FERMT3: variants seen among roughly 807,000 people sequenced by gnomAD.
FERMT3 encodes FERM domain containing kindlin 3, also known as fermitin family homolog 3.
A neutral mutation model predicts 80.8 loss-of-function variants in FERMT3; 33 were observed. The observed-to-expected ratio is 0.41, with a 90% CI of 0.31 to 0.55. The LOEUF (loss-of-function observed/expected upper bound fraction) is 0.55, where lower values mean the gene tolerates loss of function less well. Among genes scored for constraint, FERMT3 ranks in the 20% least tolerant of loss-of-function variants. The pLI is 0.31. For synonymous variants in FERMT3, 375 were observed against 372.2 expected, an observed-to-expected ratio of 1.01 and a Z score of -0.09; for missense variants, 754 against 908.7, an observed-to-expected ratio of 0.83 and a Z score of 2.19.
chr11:64,214,482 A>G (rs1339314974), intron 6 of FERMT3, among the ~76,000 whole-genome samples: 1 of 151,950 alleles, frequency 6.6e-6, no homozygotes, highest in Non-Finnish European at 1.5e-5. Context: ...AGTAGCTGGG[A>G]TTACAGGCGC....
intron 13 of FERMT3, 93 bp downstream of exon 13, chr11:64,221,233 G>A (rs1038485986): frequency 2.2e-6 from 3 of 1,344,586 alleles, no homozygotes; most frequent in East Asian, 4.7e-5. Flanking sequence ...AGTAGGTTCT[G>A]GACAGGCACC....
At chr11:64,216,592 C>T (rs1004006905) in intron 6 of FERMT3, among the ~76,000 whole-genome samples, 1 of 149,122 alleles carries the variant, frequency 6.7e-6, no homozygotes, top group Non-Finnish European at 1.5e-5. Flanking sequence ...GTCAGGAGAT[C>T]GAGACCATCC....
Position 64,210,992 on chromosome 11 carries a change from GGGT to G in FERMT3, c.395-58_395-56del. Reference sequence around the variant, plus strand: ...GCTGTGACCCGCCCCAAGCACCCATGGGTGAGGTGGGGAGGCTGCAGCAGGACC... The same window carrying G: ...GCTGTGACCCGCCCCAAGCACCCATGGAGGTGGGGAGGCTGCAGCAGGACC... On this transcript the variant is annotated intron_variant, in intron 3 of 14. Coordinates refer to ENST00000345728, the MANE Select transcript of FERMT3 (RefSeq NM_031471.6). The surrounding 1 kb of genome is among the most constrained non-coding windows in gnomAD (Gnocchi z 4.3). The G allele has an allele frequency of 6.2e-7, 1 of 1,608,480 alleles. No individual in the cohort carries two copies. The highest frequency in any genetic ancestry group is 1.1e-5 in the South Asian group (1 of 90,160).
chr11:64,209,161 G>A (rs1160811668), intron 2 of FERMT3, among the ~76,000 whole-genome samples: 3 of 152,210 alleles, frequency 2.0e-5, no homozygotes, highest in African/African-American at 7.2e-5. Flanking sequence ...GAGCTGGTGA[G>A]GAGGGGGAGC....
In FERMT3 at chr11:64,210,931, T is replaced by C; in HGVS notation, c.394+87T>C. Reference sequence around the variant, plus strand: ...TTTCCAGGCCCAGCTCTGTTGACGCTGTCCTTGCTGTCTGGGTTGCCACCC... The same window carrying C: ...TTTCCAGGCCCAGCTCTGTTGACGCCGTCCTTGCTGTCTGGGTTGCCACCC... On this transcript the variant is annotated intron_variant, in intron 3 of 14. Transcript: ENST00000345728. This position sits in a 1 kb window ranked among gnomAD's most constrained non-coding sequence, Gnocchi z 4.3. 1 of 1,607,456 alleles carries C rather than the reference T, an allele frequency of 6.2e-7. No homozygotes were observed. Among genetic ancestry groups the C allele is most frequent in the East Asian group, 2.2e-5 (1 of 44,686 alleles).
Position 64,210,600 on chromosome 11 carries a change from G to C in FERMT3, c.161-11G>C. On this transcript the variant is annotated splice_polypyrimidine_tract_variant and intron_variant, in intron 2 of 14. Transcript: ENST00000345728. This position sits in a 1 kb window ranked among gnomAD's most constrained non-coding sequence, Gnocchi z 4.3. ...GAAGGTTGGACCCAGATGTGCCCCC[G>C]TGCCCCACAGATCGCAAGCAGGACT... 6.2e-7 allele frequency: 1 copy of C among 1,612,760 alleles called. No homozygotes were observed. The highest frequency in any genetic ancestry group is 1.1e-5 in the South Asian group (1 of 91,068).
Position 64,211,300 on chromosome 11 carries a change from G to T in FERMT3, c.540G>T (p.Gly180=), listed in dbSNP as rs748359903. Residue 180 remains glycine (G), a synonymous_variant, in exon 5 of 15, where the codon GGG becomes GGT. Transcript: ENST00000345728. The surrounding 1 kb of genome is among the most constrained non-coding windows in gnomAD (Gnocchi z 4.7). The part of the protein sequence containing the change: ...AGGVAPALFR[G]MPAHFSDSAQ... ...GCGTGGCACCTGCACTGTTCCGGGG[G>T]ATGCCAGCTCACTTCTCGGACAGCG... 6 of 1,613,436 alleles carry T rather than the reference G, an allele frequency of 3.7e-6. No homozygotes were observed. The highest frequency in any genetic ancestry group is 4.2e-6 in the Non-Finnish European group (5 of 1,179,864).
At position 64,211,409 on chromosome 11, in the gene FERMT3, A is replaced by G; in HGVS notation, c.649A>G (p.Ser217Gly). ...CCTGCTCCAGCGTCTGCCACGGCCC[A>G]GCTCCCTGTCAGACAAGACCCAGCT... is the stretch of plus-strand genomic sequence containing the variant. ...PLLLQRLPRP[S>G]SLSDKTQLHS... is the part of the protein sequence containing the mutation. Residue 217 changes from serine (S) to glycine (G), a missense_variant, in exon 5 of 15, where the codon AGC becomes GGC. By Grantham distance (56) the Ser-to-Gly change is moderately conservative (BLOSUM62 0). Transcript: ENST00000345728. This position sits in a 1 kb window ranked among gnomAD's most constrained non-coding sequence, Gnocchi z 4.7. 1 of 1,601,146 alleles carries G rather than the reference A, an allele frequency of 6.2e-7. No homozygotes were observed. The highest frequency in any genetic ancestry group is 1.1e-5 in the South Asian group (1 of 89,510).
In FERMT3 at chr11:64,219,583, A is replaced by G. The variant is rs1416147889; in HGVS notation, c.954A>G (p.Pro318=). Residue 318 remains proline, a synonymous_variant, in exon 8 of 15, where the codon CCA becomes CCG. Transcript: ENST00000345728. This position sits in a 1 kb window ranked among gnomAD's most constrained non-coding sequence, Gnocchi z 4.0. ...GEVGEPAGTD[P]GLDDLDVALS... ...TGGGGGAGCCGGCTGGCACAGACCC[A>G]GGGCTGGACGACCTGGATGTGGCCC... The G allele has an allele frequency of 1.2e-6, 2 of 1,612,492 alleles. No homozygotes were observed. The highest frequency in any genetic ancestry group is 1.7e-5 in the Admixed American group (1 of 59,986).
chr11:64,207,209 G>A lies in FERMT3; in HGVS notation c.-14-142G>A, dbSNP rs144200278. 3.7e-3 allele frequency: 3,344 copies of A among 895,506 alleles called. 21 individuals are homozygous for A. The highest frequency in any genetic ancestry group is 0.012 in the Middle Eastern group (34 of 2,926). The allele number at this position is 895,506 out of a possible 1,614,324, so 55.5% of individuals were successfully genotyped here. A position where few individuals can be genotyped will look rare whatever the true frequency, so the allele number is the denominator to read the frequency against. On this transcript the variant is annotated intron_variant, in intron 1 of 14. Transcript: ENST00000345728. The stretch of plus-strand genomic sequence containing the variant: ...GAGAGAGTCTGAGGGTACCACGGGC[G>A]TGCTGGCCTGGGTGCTCACTCCCGC...
chr11:64,210,517 T>C lies in FERMT3; in HGVS notation c.161-94T>C. ...TCTTGGCTTAGGCAGGGCAGGGGAG[T>C]GGTCGCCCCAGGCTTCTGAATCCTG... On this transcript the variant is annotated intron_variant, in intron 2 of 14. Coordinates refer to ENST00000345728, the MANE Select transcript of FERMT3 (RefSeq NM_031471.6). This position sits in a 1 kb window ranked among gnomAD's most constrained non-coding sequence, Gnocchi z 4.3. The C allele has an allele frequency of 7.8e-7, 1 of 1,284,584 alleles. No homozygotes were observed. Among genetic ancestry groups the C allele is most frequent in the East Asian group, 2.3e-5 (1 of 42,920 alleles). 79.6% of individuals were successfully genotyped at this position (1,284,584 alleles called of 1,614,324 possible).
intron 10 of FERMT3, 31 bp downstream of exon 10, chr11:64,220,046 G>A (rs1247218258): frequency 6.2e-7 from 1 of 1,612,188 alleles, no homozygotes; most frequent in East Asian, 2.2e-5. Context: ...GCTGGGTGGG[G>A]GGATCCCCAC....
At chr11:64,218,013 T>TC (rs1946587943) in intron 6 of FERMT3, among the ~76,000 whole-genome samples, 1 of 146,896 alleles carries the variant, frequency 6.8e-6, no homozygotes, top group African/African-American at 2.5e-5. Flanking sequence ...TTTTTTTTTT[T>TC]TTTTTTTTGT....
At position 64,223,425 on chromosome 11, in the gene FERMT3, G is replaced by A. The variant is rs752521466; in HGVS notation, c.1925G>A (p.Arg642Gln). ...GGYIFLSTRE[R>Q]ARGEELDEDL... The stretch of plus-strand genomic sequence containing the variant: ...TACATTTTCCTGTCGACGCGGGAGC[G>A]GGCCCGTGGGGAGGAGCTGGATGAA... Residue 642 changes from arginine to glutamine, a missense_variant, in exon 15 of 15, where the codon CGG (arginine) becomes CAG (glutamine). Physicochemically the swap from Arg to Gln is conservative, Grantham distance 43. Transcript: ENST00000345728. 5.6e-6 allele frequency: 9 copies of A among 1,613,372 alleles called. No homozygotes were observed. Among genetic ancestry groups the A allele is most frequent in the South Asian group, 3.3e-5 (3 of 91,092 alleles).
At chr11:64,212,890 T>C (rs1434061896) in intron 6 of FERMT3, among the ~76,000 whole-genome samples, 4 of 151,954 alleles carry the variant, frequency 2.6e-5, no homozygotes, top group Middle Eastern at 3.2e-3. Flanking sequence ...TTTATTTATA[T>C]ATTTATTTAT....
At chr11:64,206,869 G>C (rs1946320973) in intron 1 of FERMT3, 55 bp downstream of exon 1, 1 of 160,380 alleles carries the variant, frequency 6.2e-6, no homozygotes, top group South Asian at 1.4e-4. Flanking sequence ...TCCTCCTGCA[G>C]CCTCTGCCCA....
In FERMT3 at chr11:64,210,719, G is replaced by A. The variant is rs552829558; in HGVS notation, c.269G>A (p.Arg90His). ...LDKYGILADA[R>H]LFFGPQHRPV... ...AAGTACGGGATCCTGGCCGACGCAC[G>A]CCTCTTCTTTGGGCCCCAGCACCGG... Residue 90 changes from arginine (R) to histidine (H), a missense_variant, in exon 3 of 15, where the codon CGC (arginine) becomes CAC (histidine). Coordinates refer to ENST00000345728, the MANE Select transcript of FERMT3 (RefSeq NM_031471.6). The surrounding 1 kb of genome is among the most constrained non-coding windows in gnomAD (Gnocchi z 4.3). The A allele has an allele frequency of 3.0e-5, 49 of 1,614,172 alleles. No homozygotes were observed. Among genetic ancestry groups the A allele is most frequent in the African/African-American group, 2.5e-4 (19 of 75,028 alleles).
upstream of FERMT3, chr11:64,206,532 G>A (rs562397171): frequency 8.5e-5 from 13 of 152,430 alleles, no homozygotes; most frequent in African/African-American, 3.1e-4. Context: ...GGAAGGGGGC[G>A]TTTTTATGGT....
intron 13 of FERMT3, among the ~76,000 whole-genome samples, 163 bp downstream of exon 13, chr11:64,221,303 C>T (rs1363258219): frequency 6.6e-6 from 1 of 152,150 alleles, no homozygotes; most frequent in African/African-American, 2.4e-5. Context: ...CCATGTGTGC[C>T]CCTCATGCTG....
Sources: allele counts gnomAD v4.1 joint callset (sites outside exome capture counted in the v4.1 genomes callset), GRCh38; gene constraint gnomAD v4.1.1; non-coding constraint Gnocchi (gnomAD v3.1); transcripts MANE v1.5; gene names NCBI Gene and HGNC (gene_info 2026-07-23, HGNC 2026-07-21).